COG5: variants seen among roughly 807,000 people sequenced by gnomAD.
The protein encoded by COG5 is component of oligomeric golgi complex 5.
In COG5, 86 loss-of-function variants were observed where a neutral mutation model predicts 110.4. The observed-to-expected ratio is 0.78, with a 90% CI of 0.65 to 0.93. The LOEUF is 0.93. COG5 is among the 40% of genes least tolerant of loss of function. The pLI is 0.00. For synonymous variants in COG5, 360 were observed against 334.6 expected, an observed-to-expected ratio of 1.08 and a Z score of -0.83; for missense variants, 1,077 against 987.0, an observed-to-expected ratio of 1.09 and a Z score of -1.22.
intron 7 of COG5, among the ~76,000 whole-genome samples, chr7:107,390,047 A>G (rs1342601416): frequency 6.6e-6 from 1 of 152,208 alleles, no homozygotes; most frequent in African/African-American, 2.4e-5. Flanking sequence ...ATCACTAATT[A>G]CAATATATTA....
At position 107,330,629 on chromosome 7, in the gene COG5, G is replaced by A. The variant is rs1810154854; in HGVS notation, c.1027-6108C>T. On this transcript the variant is annotated intron_variant, in intron 10 of 21. Transcript: ENST00000297135. Reference sequence around the variant, plus strand: ...ATTTTCATGCTAACTTTATTGTGCTGAGTATAGTGAAAAGAGTATGGGTTT... The same window carrying A: ...ATTTTCATGCTAACTTTATTGTGCTAAGTATAGTGAAAAGAGTATGGGTTT... Among the ~76,000 whole-genome samples the A allele has an allele frequency of 2.0e-5, 3 of 152,162 alleles. No homozygotes were observed. In the South Asian group the frequency reaches 6.2e-4, roughly 32 times the overall value.
At chr7:107,239,814 G>A (rs1234058360) in intron 17 of COG5, among the ~76,000 whole-genome samples, 1 of 152,146 alleles carries the variant, frequency 6.6e-6, no homozygotes, top group East Asian at 1.9e-4. Flanking sequence ...TTGATGTCTA[G>A]TTTCATACCA....
intron 10 of COG5, among the ~76,000 whole-genome samples, chr7:107,341,689 G>A (rs1209883050): frequency 6.6e-6 from 1 of 151,954 alleles, no homozygotes; most frequent in African/African-American, 2.4e-5. Context: ...CAGACCAATG[G>A]AACAGAATGG....
chr7:107,375,431 C>A (rs1457312346), intron 7 of COG5, among the ~76,000 whole-genome samples: 1 of 152,002 alleles, frequency 6.6e-6, no homozygotes, highest in Non-Finnish European at 1.5e-5. Flanking sequence ...GTAGATACTG[C>A]CAATTTTACA....
intron 6 of COG5, among the ~76,000 whole-genome samples, chr7:107,482,227 G>A (rs183237632): frequency 4.3e-4 from 65 of 151,156 alleles, no homozygotes; most frequent in Non-Finnish European, 1.3e-4. Context: ...CTGCAGCCTC[G>A]AACTCTTGAG....
At chr7:107,545,082 A>G (rs566060663) in intron 5 of COG5, among the ~76,000 whole-genome samples, 8 of 152,330 alleles carry the variant, frequency 5.3e-5, no homozygotes, top group African/African-American at 1.9e-4. Flanking sequence ...GAAATGATCC[A>G]GTCAGAGGAA....
At chr7:107,419,476 T>TAAAAGA (rs1002025934) in intron 6 of COG5, among the ~76,000 whole-genome samples, 1 of 148,132 alleles carries the variant, frequency 6.8e-6, no homozygotes, top group African/African-American at 2.5e-5. Context: ...ATAGTAAAAA[T>TAAAAGA]AAAAGAAAAA....
chr7:107,533,248 G>T (rs565060892), intron 5 of COG5, among the ~76,000 whole-genome samples: 1 of 151,478 alleles, frequency 6.6e-6, no homozygotes. Flanking sequence ...CCAAAAACCA[G>T]AATACCTCTT....
At chr7:107,471,323 CA>C (rs1685493660) in intron 6 of COG5, 1 of 151,934 alleles carries the variant, frequency 6.6e-6, no homozygotes, top group African/African-American at 2.4e-5. Context: ...CAATTAATTA[CA>C]AATTATTAAA....
At chr7:107,284,610 T>A (rs1281452888) in intron 12 of COG5, among the ~76,000 whole-genome samples, 3 of 152,228 alleles carry the variant, frequency 2.0e-5, no homozygotes, top group Non-Finnish European at 4.4e-5. Context: ...AGTGGAGTTC[T>A]ATGCTACTTT....
At chr7:107,547,198 TGG>T (rs1176134447) in intron 5 of COG5, among the ~76,000 whole-genome samples, 4 of 152,178 alleles carry the variant, frequency 2.6e-5, no homozygotes, top group African/African-American at 9.7e-5. Flanking sequence ...GATTTATCTC[TGG>T]GGTGCAGGGA....
chr7:107,392,611 A>C (rs1158758721), intron 7 of COG5, among the ~76,000 whole-genome samples: 1 of 152,092 alleles, frequency 6.6e-6, no homozygotes, highest in Non-Finnish European at 1.5e-5. Flanking sequence ...TGTTTCACTA[A>C]GAATATTAAA....
intron 3 of COG5, among the ~76,000 whole-genome samples, chr7:107,549,464 T>C (rs896794544): frequency 6.6e-6 from 1 of 151,974 alleles, no homozygotes; most frequent in African/African-American, 2.4e-5. Flanking sequence ...TGATCCCCCC[T>C]CACTGCATGC....
chr7:107,305,791 C>T (rs1306555678), intron 11 of COG5, among the ~76,000 whole-genome samples: 3 of 151,886 alleles, frequency 2.0e-5, no homozygotes, highest in South Asian at 4.1e-4. Context: ...AATGGTATGA[C>T]AGCTGCTTGT....
intron 6 of COG5, among the ~76,000 whole-genome samples, chr7:107,488,290 A>G (rs1464727826): frequency 6.6e-6 from 1 of 151,784 alleles, no homozygotes; most frequent in Non-Finnish European, 1.5e-5. Flanking sequence ...AAAAATATAT[A>G]TGAAAAATAG....
chr7:107,350,113 T>C (rs1216238671), intron 10 of COG5, among the ~76,000 whole-genome samples: 2 of 152,244 alleles, frequency 1.3e-5, no homozygotes, highest in African/African-American at 4.8e-5. Flanking sequence ...TCAAATGCTG[T>C]TCCTGCATGT....
chr7:107,557,977 T>G lies in COG5; in HGVS notation c.233A>C (p.Gln78Pro), dbSNP rs753966699. 1 of 1,614,002 alleles carries G rather than the reference T, an allele frequency of 6.2e-7. No individual in the cohort carries two copies. Among genetic ancestry groups the G allele is most frequent in the Non-Finnish European group, 8.5e-7 (1 of 1,179,926 alleles). Residue 78 changes from glutamine (Q) to proline (P), a missense_variant and splice_region_variant, in exon 2 of 22, where the codon CAG becomes CCG. Transcript: ENST00000297135. The part of the protein sequence containing the change: ...ISQLDRELHL[Q>P]VVARHEDLLA... ...AGGGACCCAGAAGATCAGAATTACC[T>G]GTAAGTGTAGTTCTCTGTCCAACTG...
chr7:107,464,673 G>A (rs1796193195), intron 6 of COG5, among the ~76,000 whole-genome samples: 2 of 152,234 alleles, frequency 1.3e-5, no homozygotes, highest in South Asian at 4.1e-4. Context: ...AAGCTGTGAA[G>A]CTAGCCTGTT....
At chr7:107,390,887 T>C (rs1790575375) in intron 7 of COG5, among the ~76,000 whole-genome samples, 1 of 151,096 alleles carries the variant, frequency 6.6e-6, no homozygotes, top group Admixed American at 6.6e-5. Context: ...GTGGGAAAAA[T>C]TGTCAAATAA....
Sources: allele counts gnomAD v4.1 joint callset (sites outside exome capture counted in the v4.1 genomes callset), GRCh38; gene constraint gnomAD v4.1.1; transcripts MANE v1.5; gene names NCBI Gene and HGNC (gene_info 2026-07-23, HGNC 2026-07-21).